PLXNA4: variants seen among roughly 807,000 people sequenced by gnomAD.
PLXNA4 encodes plexin-A4.
A neutral mutation model predicts 191.8 loss-of-function variants in PLXNA4; 44 were observed. The observed-to-expected ratio is 0.23, with a 90% CI of 0.18 to 0.29. The LOEUF (loss-of-function observed/expected upper bound fraction) is 0.29. Among genes scored for constraint, PLXNA4 ranks in the 10% least tolerant of loss-of-function variants. The pLI, the probability that PLXNA4 is intolerant of heterozygous loss-of-function variation, is 1.00. For synonymous variants in PLXNA4, 1,082 were observed against 1,009.5 expected (o/e 1.07, Z -1.36); for missense variants, 1,800 against 2,488.8 (o/e 0.72, Z 5.89).
intron 3 of PLXNA4, among the ~76,000 whole-genome samples, chr7:132,441,329 T>C (rs1023596382): frequency 6.6e-6 from 1 of 152,226 alleles, no homozygotes; most frequent in African/African-American, 2.4e-5. Flanking sequence ...CTTCCCTTTT[T>C]AGTATTTTGG....
At chr7:132,385,536 G>A (rs1805092577) in intron 3 of PLXNA4, among the ~76,000 whole-genome samples, 1 of 152,186 alleles carries the variant, frequency 6.6e-6, no homozygotes, top group Non-Finnish European at 1.5e-5. Flanking sequence ...CCCTGGCCAC[G>A]GATGTTACAC....
At chr7:132,591,703 G>A (rs1293319749) in intron 2 of PLXNA4, among the ~76,000 whole-genome samples, 3 of 152,160 alleles carry the variant, frequency 2.0e-5, no homozygotes, top group Non-Finnish European at 2.9e-5. Context: ...CACAGGACTA[G>A]GAGCGTTTGG....
chr7:132,432,988 C>T (rs955809424), intron 3 of PLXNA4, among the ~76,000 whole-genome samples: 2 of 152,130 alleles, frequency 1.3e-5, no homozygotes, highest in Non-Finnish European at 2.9e-5. Flanking sequence ...AAGTGTTTCT[C>T]ATTATACTTA....
At chr7:132,355,702 T>G (rs1379979359) in intron 3 of PLXNA4, among the ~76,000 whole-genome samples, 3 of 151,832 alleles carry the variant, frequency 2.0e-5, no homozygotes, top group Non-Finnish European at 4.4e-5. Context: ...TATAAATCCC[T>G]CTGCCTATGC....
At chr7:132,305,036 C>G (rs1453375171) in intron 3 of PLXNA4, among the ~76,000 whole-genome samples, 5 of 152,184 alleles carry the variant, frequency 3.3e-5, no homozygotes, top group African/African-American at 1.2e-4. Flanking sequence ...CAGCAGGACC[C>G]CTGGTACCCC....
intron 3 of PLXNA4, among the ~76,000 whole-genome samples, chr7:132,415,317 G>C (rs1202000400): frequency 6.6e-6 from 1 of 152,212 alleles, no homozygotes; most frequent in African/African-American, 2.4e-5. Flanking sequence ...TGAGATTGCA[G>C]GTCTGTCTGC....
intron 3 of PLXNA4, among the ~76,000 whole-genome samples, chr7:132,322,319 T>A (rs1197493175): frequency 6.6e-6 from 1 of 151,992 alleles, no homozygotes; most frequent in Middle Eastern, 3.2e-3. Flanking sequence ...GTAGCTGAGA[T>A]TACAGGCATG....
chr7:132,233,829 T>A (rs1289336441), intron 5 of PLXNA4, among the ~76,000 whole-genome samples: 1 of 152,218 alleles, frequency 6.6e-6, no homozygotes, highest in Non-Finnish European at 1.5e-5. Context: ...CTGACCTTGG[T>A]AGCCATGCTT....
intron 3 of PLXNA4, among the ~76,000 whole-genome samples, chr7:132,419,995 G>A (rs1469693523): frequency 2.0e-5 from 3 of 151,906 alleles, no homozygotes; most frequent in African/African-American, 7.3e-5. Flanking sequence ...ATCTGGATTT[G>A]GCCTGGGAGC....
chr7:132,631,529 T>C (rs950198535), intron 2 of PLXNA4, among the ~76,000 whole-genome samples: 1 of 152,160 alleles, frequency 6.6e-6, no homozygotes, highest in African/African-American at 2.4e-5. Flanking sequence ...GAGGGAGGAA[T>C]GAACACATTG....
At chr7:132,147,564 T>C (rs1795472534) in intron 27 of PLXNA4, among the ~76,000 whole-genome samples, 1 of 152,196 alleles carries the variant, frequency 6.6e-6, no homozygotes, top group Non-Finnish European at 1.5e-5. Context: ...TGAGTTATAA[T>C]GTACTAATCT....
Position 132,181,573 on chromosome 7 carries a change from G to A in PLXNA4, c.3300C>T (p.Ala1100=), listed in dbSNP as rs1307534084. The change falls in exon 18 of 32, where the codon GCC becomes GCT. Residue 1100 remains alanine (A), a synonymous_variant. Coordinates refer to ENST00000321063, the MANE Select transcript of PLXNA4 (RefSeq NM_020911.2). ...NATEMTCQAP[A]LALGPDHQSD... ...ACTGGTGGTCAGGACCCAGAGCGAG[G>A]GCGGGCGCCTGACAGGTCATCTCAG... The A allele has an allele frequency of 6.2e-7, 1 of 1,614,208 alleles. No individual in the cohort carries two copies. The highest frequency in any genetic ancestry group is 1.3e-5 in the African/African-American group (1 of 75,044).
intron 2 of PLXNA4, among the ~76,000 whole-genome samples, chr7:132,600,755 A>G (rs924685507): frequency 1.3e-5 from 2 of 152,104 alleles, no homozygotes; most frequent in Non-Finnish European, 2.9e-5. Flanking sequence ...ATTATTCATA[A>G]CACTCTTATT....
chr7:132,140,834 T>C (rs778742786), intron 29 of PLXNA4, 23 bp from the exon 30 acceptor site: 6 of 1,613,096 alleles, frequency 3.7e-6, no homozygotes, highest in South Asian at 1.1e-5. Flanking sequence ...AAGAGGCAGA[T>C]GGTCAGGAAA....
At chr7:132,630,503 GGTTTTTTT>G (rs1004176177) in intron 2 of PLXNA4, among the ~76,000 whole-genome samples, 7 of 148,802 alleles carry the variant, frequency 4.7e-5, no homozygotes, top group Non-Finnish European at 7.4e-5. Flanking sequence ...GTCCACTTTG[GGTTTTTTT>G]GTTTTTTTGT....
chr7:132,316,160 T>C (rs11766824), intron 3 of PLXNA4, among the ~76,000 whole-genome samples: 8,650 of 152,282 alleles, frequency 0.057, 290 homozygotes, highest in Middle Eastern at 0.088. Flanking sequence ...CGCCCACTTA[T>C]TGCCTCAAAT....
chr7:132,222,094 G>T (rs1170090191), intron 9 of PLXNA4, among the ~76,000 whole-genome samples: 1 of 152,152 alleles, frequency 6.6e-6, no homozygotes. Context: ...TGCTCCCCTT[G>T]TCTGTTACTC....
At chr7:132,356,626 T>A (rs1803717642) in intron 3 of PLXNA4, among the ~76,000 whole-genome samples, 1 of 152,252 alleles carries the variant, frequency 6.6e-6, no homozygotes, top group Non-Finnish European at 1.5e-5. Flanking sequence ...AGAGTAAGGC[T>A]ACGGCAGGAG....
intron 3 of PLXNA4, among the ~76,000 whole-genome samples, chr7:132,426,980 C>T (rs1795068886): frequency 1.3e-5 from 2 of 152,170 alleles, no homozygotes; most frequent in Non-Finnish European, 2.9e-5. Context: ...CTCACCTGTA[C>T]CCCCTTGGGA....
Sources: allele counts gnomAD v4.1 joint callset (sites outside exome capture counted in the v4.1 genomes callset), GRCh38; gene constraint gnomAD v4.1.1; transcripts MANE v1.5; gene names NCBI Gene and HGNC (gene_info 2026-07-23, HGNC 2026-07-21).